Variants in ARB2A observed in about 807,000 individuals in gnomAD.
The protein encoded by ARB2A is ARB2 cotranscriptional regulator A, also known as cotranscriptional regulator ARB2A.
chr5:93,764,771 T>C, the ARB2A span, among the ~76,000 whole-genome samples: 1 of 152,200 alleles, frequency 6.6e-6, no homozygotes, highest in African/African-American at 2.4e-5. Context: ...AATACCCTGA[T>C]GAACATCGAT....
chr5:93,725,243 G>A, the ARB2A span, among the ~76,000 whole-genome samples: 11 of 151,962 alleles, frequency 7.2e-5, no homozygotes, highest in South Asian at 2.1e-4. Context: ...AACATTAACC[G>A]TATATTTTCT....
At chr5:93,683,879 TA>T in the ARB2A span, among the ~76,000 whole-genome samples, 1 of 152,226 alleles carries the variant, frequency 6.6e-6, no homozygotes, top group Non-Finnish European at 1.5e-5. Flanking sequence ...TTTTAAGATG[TA>T]AAAATAACAT....
chr5:93,887,970 AGG>A, the ARB2A span, among the ~76,000 whole-genome samples: 1 of 151,870 alleles, frequency 6.6e-6, no homozygotes, highest in Non-Finnish European at 1.5e-5. Flanking sequence ...TTGTTCCCTT[AGG>A]AGTCTGTAAA....
chr5:93,780,181 G>T, the ARB2A span, among the ~76,000 whole-genome samples: 5 of 152,070 alleles, frequency 3.3e-5, no homozygotes, highest in Non-Finnish European at 7.4e-5. Flanking sequence ...TGTGTCCTCG[G>T]ACAAATACAA....
the ARB2A span, among the ~76,000 whole-genome samples, chr5:94,026,137 C>T: frequency 6.6e-6 from 1 of 152,230 alleles, no homozygotes; most frequent in East Asian, 1.9e-4. Flanking sequence ...GATGTTACAG[C>T]ATGCTAATTA....
chr5:93,938,456 A>G, the ARB2A span, among the ~76,000 whole-genome samples: 1 of 152,334 alleles, frequency 6.6e-6, no homozygotes, highest in African/African-American at 2.4e-5. Flanking sequence ...TTTTCTTTTT[A>G]AAACCGACTC....
At chr5:93,847,916 C>T in the ARB2A span, among the ~76,000 whole-genome samples, 1 of 152,298 alleles carries the variant, frequency 6.6e-6, no homozygotes, top group South Asian at 2.1e-4. Flanking sequence ...CTCCATAGCA[C>T]CTTGCAGTTC....
the ARB2A span, among the ~76,000 whole-genome samples, chr5:93,896,364 C>A: frequency 6.6e-6 from 1 of 152,086 alleles, no homozygotes; most frequent in Non-Finnish European, 1.5e-5. Context: ...CCACACCTGA[C>A]TTCATGTGAT....
the ARB2A span, among the ~76,000 whole-genome samples, chr5:93,678,711 G>T: frequency 1.3e-5 from 2 of 151,782 alleles, no homozygotes; most frequent in Non-Finnish European, 2.9e-5. Flanking sequence ...AGCAGAGAGC[G>T]GGCCATTACA....
chr5:93,985,587 C>T, the ARB2A span, among the ~76,000 whole-genome samples: 1 of 152,166 alleles, frequency 6.6e-6, no homozygotes, highest in Non-Finnish European at 1.5e-5. Context: ...CCACGCCTGA[C>T]TGGATTTTGT....
the ARB2A span, among the ~76,000 whole-genome samples, chr5:93,764,369 C>A: frequency 6.6e-6 from 1 of 152,162 alleles, no homozygotes; most frequent in Admixed American, 6.5e-5. Context: ...AAGGGGATAT[C>A]ACCACCAATC....
the ARB2A span, among the ~76,000 whole-genome samples, chr5:93,782,585 T>G: frequency 6.6e-6 from 1 of 152,148 alleles, no homozygotes; most frequent in African/African-American, 2.4e-5. Context: ...TGAATACAGT[T>G]TATGTGTTTT....
the ARB2A span, among the ~76,000 whole-genome samples, chr5:93,658,431 T>C: frequency 6.6e-6 from 1 of 152,132 alleles, no homozygotes; most frequent in African/African-American, 2.4e-5. Flanking sequence ...GGGTTGAAGA[T>C]ATGGCCATTG....
At chr5:93,688,966 C>T in the ARB2A span, among the ~76,000 whole-genome samples, 2 of 152,200 alleles carry the variant, frequency 1.3e-5, no homozygotes, top group Non-Finnish European at 2.9e-5. Flanking sequence ...CTTATCACAG[C>T]TAGACTGTTC....
the ARB2A span, among the ~76,000 whole-genome samples, chr5:93,943,899 T>A: frequency 6.6e-6 from 1 of 152,230 alleles, no homozygotes; most frequent in South Asian, 2.1e-4. Flanking sequence ...AATCAAAACA[T>A]TAATGGCCAG....
chr5:93,845,294 T>C, the ARB2A span, among the ~76,000 whole-genome samples: 1 of 152,210 alleles, frequency 6.6e-6, no homozygotes, highest in Non-Finnish European at 1.5e-5. Flanking sequence ...CAACATGCTA[T>C]TTAGGAGTAC....
At chr5:93,997,221 AGCACCTT>A in the ARB2A span, among the ~76,000 whole-genome samples, 5 of 152,016 alleles carry the variant, frequency 3.3e-5, no homozygotes, top group African/African-American at 1.2e-4. Context: ...AAGTTGTTTG[AGCACCTT>A]GTCAGCCTCC....
At chr5:93,945,588 A>C in the ARB2A span, among the ~76,000 whole-genome samples, 1 of 152,146 alleles carries the variant, frequency 6.6e-6, no homozygotes, top group Non-Finnish European at 1.5e-5. Flanking sequence ...AATTCTATGG[A>C]ATGGTTAAAA....
chr5:93,834,830 T>G, the ARB2A span, among the ~76,000 whole-genome samples: 96 of 152,098 alleles, frequency 6.3e-4, no homozygotes, highest in Middle Eastern at 3.4e-3. Context: ...ATCCAGAGAG[T>G]GTATATTATC....
Sources: gnomAD v4.1 joint callset for allele counts (sites outside exome capture counted in the v4.1 genomes callset) on GRCh38, gnomAD v4.1.1 for gene constraint, MANE v1.5 for transcripts, NCBI Gene and HGNC (gene_info 2026-07-23, HGNC 2026-07-21) for gene names.